Variants in NELL1 observed in about 807,000 individuals in gnomAD.
NELL1 encodes neural EGFL like 1.
NELL1 carries 76 observed loss-of-function variants against 107.4 expected under a neutral mutation model. That is an observed-to-expected ratio of 0.71 (90% CI 0.59 to 0.86). The LOEUF (loss-of-function observed/expected upper bound fraction) is 0.86. Among genes scored for constraint, NELL1 ranks in the 40% least tolerant of loss-of-function variants. The pLI is 0.00. For synonymous variants in NELL1, 353 were observed against 341.2 expected (o/e 1.03, Z -0.38); for missense variants, 1,024 against 1,005.5 (o/e 1.02, Z -0.25).
intron 4 of NELL1, among the ~76,000 whole-genome samples, chr11:20,882,296 C>A (rs1311751514): frequency 6.6e-6 from 1 of 152,230 alleles, no homozygotes; most frequent in Non-Finnish European, 1.5e-5. Flanking sequence ...ACCATTCCCA[C>A]CAGGCCTGTG....
chr11:21,015,608 A>G (rs1315120681), intron 12 of NELL1, among the ~76,000 whole-genome samples: 1 of 152,042 alleles, frequency 6.6e-6, no homozygotes, highest in African/African-American at 2.4e-5. Flanking sequence ...TGGAAAGGTC[A>G]GCAGCTTCTG....
intron 14 of NELL1, among the ~76,000 whole-genome samples, chr11:21,298,105 T>G (rs1406999547): frequency 6.6e-6 from 1 of 152,040 alleles, no homozygotes; most frequent in Non-Finnish European, 1.5e-5. Context: ...TATGGAAAGA[T>G]TTTCAAGATT....
intron 15 of NELL1, among the ~76,000 whole-genome samples, chr11:21,494,061 T>G (rs1310660686): frequency 6.6e-6 from 1 of 151,982 alleles, no homozygotes; most frequent in Non-Finnish European, 1.5e-5. Context: ...TATTTTCAGG[T>G]GTGTGATATT....
chr11:21,013,883 G>A (rs886129418), intron 12 of NELL1, among the ~76,000 whole-genome samples: 1 of 151,954 alleles, frequency 6.6e-6, no homozygotes, highest in African/African-American at 2.4e-5. Flanking sequence ...CAGTGTCTTT[G>A]CTTTTCATGA....
At chr11:21,392,273 A>G (rs1479100665) in intron 15 of NELL1, among the ~76,000 whole-genome samples, 1 of 151,758 alleles carries the variant, frequency 6.6e-6, no homozygotes, top group African/African-American at 2.4e-5. Flanking sequence ...CTAGCTTCCA[A>G]TTAATTTTCC....
At chr11:21,031,832 T>C (rs1398115830) in intron 12 of NELL1, among the ~76,000 whole-genome samples, 1 of 152,026 alleles carries the variant, frequency 6.6e-6, no homozygotes, top group Admixed American at 6.6e-5. Context: ...GCGGATCACC[T>C]GAGGTCAGGA....
intron 12 of NELL1, among the ~76,000 whole-genome samples, chr11:20,989,529 T>G (rs189833980): frequency 9.8e-5 from 15 of 152,358 alleles, no homozygotes. Context: ...CTTGACCTCA[T>G]TTCATACTTG....
chr11:21,469,104 G>C (rs1036769141), intron 15 of NELL1, among the ~76,000 whole-genome samples: 2 of 152,036 alleles, frequency 1.3e-5, no homozygotes, highest in African/African-American at 2.4e-5. Context: ...TCCTAATAGA[G>C]ATAGGAAGAC....
intron 12 of NELL1, among the ~76,000 whole-genome samples, chr11:20,980,481 T>C (rs1285483285): frequency 6.6e-6 from 1 of 152,220 alleles, no homozygotes; most frequent in East Asian, 1.9e-4. Context: ...AGACCTCTTC[T>C]GGACCTAGAG....
At chr11:21,342,417 G>C (rs999507756) in intron 14 of NELL1, among the ~76,000 whole-genome samples, 5 of 148,404 alleles carry the variant, frequency 3.4e-5, no homozygotes, top group Non-Finnish European at 7.5e-5. Flanking sequence ...TAAGTGGGGG[G>C]GGGGGTCACT....
At chr11:21,408,873 A>G (rs955979394) in intron 15 of NELL1, among the ~76,000 whole-genome samples, 4 of 152,046 alleles carry the variant, frequency 2.6e-5, no homozygotes, top group African/African-American at 7.2e-5. Context: ...AATCAAAACC[A>G]CAATGAGATA....
intron 13 of NELL1, among the ~76,000 whole-genome samples, chr11:21,119,205 T>A (rs527241080): frequency 6.6e-6 from 1 of 152,146 alleles, no homozygotes; most frequent in East Asian, 1.9e-4. Context: ...TTATTACTAC[T>A]TGACAAGTTT....
chr11:21,227,097 G>A (rs988861457), intron 13 of NELL1, among the ~76,000 whole-genome samples: 16 of 152,292 alleles, frequency 1.1e-4, no homozygotes, highest in African/African-American at 1.7e-4. Context: ...TTAAGTCTGC[G>A]TGAGCAACTC....
At chr11:21,560,619 G>A (rs1320899427) in intron 17 of NELL1, among the ~76,000 whole-genome samples, 6 of 152,184 alleles carry the variant, frequency 3.9e-5, no homozygotes, top group South Asian at 4.1e-4. Flanking sequence ...CAGGGAAGGC[G>A]AAGCAGGGTA....
At chr11:21,403,187 G>A (rs962607941) in intron 15 of NELL1, among the ~76,000 whole-genome samples, 2 of 151,672 alleles carry the variant, frequency 1.3e-5, no homozygotes, top group African/African-American at 4.9e-5. Context: ...GAGACTGGTA[G>A]GAATTCAATC....
At chr11:21,147,450 G>C (rs1477173490) in intron 13 of NELL1, among the ~76,000 whole-genome samples, 2 of 152,136 alleles carry the variant, frequency 1.3e-5, no homozygotes, top group African/African-American at 4.8e-5. Flanking sequence ...TCTTAGCTCT[G>C]CTTCGAAGAC....
intron 12 of NELL1, among the ~76,000 whole-genome samples, chr11:21,084,350 C>A (rs547106226): frequency 6.6e-6 from 1 of 152,268 alleles, no homozygotes; most frequent in South Asian, 2.1e-4. Flanking sequence ...CCAGCAATTT[C>A]TTTATCTAAT....
chr11:20,948,791 T>G (rs1851015602), intron 11 of NELL1, among the ~76,000 whole-genome samples: 1 of 148,366 alleles, frequency 6.7e-6, no homozygotes, highest in Non-Finnish European at 1.5e-5. Flanking sequence ...AAAAAAACAG[T>G]TAAACTCATA....
rs977895566 is a variant in NELL1 at position 21,178,822 on chromosome 11, A to T, written c.1427-50510A>T. 2.6e-5 allele frequency among the ~76,000 whole-genome samples: 4 copies of T among 151,752 alleles called. 1 individual carries two copies. Among genetic ancestry groups the T allele is most frequent in the African/African-American group, 9.7e-5 (4 of 41,080 alleles). Reference sequence around the variant, plus strand: ...TTAGTTAAATAAAATTTTAAAAAAGATTCAACTTAAAGGATATTTTTGAGT... The same window carrying T: ...TTAGTTAAATAAAATTTTAAAAAAGTTTCAACTTAAAGGATATTTTTGAGT... On this transcript the variant is annotated intron_variant, in intron 13 of 19. Transcript: ENST00000357134.
Sources: gnomAD v4.1 joint callset for allele counts (sites outside exome capture counted in the v4.1 genomes callset) on GRCh38, gnomAD v4.1.1 for gene constraint, MANE v1.5 for transcripts, NCBI Gene and HGNC (gene_info 2026-07-23, HGNC 2026-07-21) for gene names.